Variants in GRIK2 observed in about 807,000 individuals in gnomAD.
GRIK2 encodes the protein glutamate ionotropic receptor kainate type subunit 2.
In GRIK2, 32 loss-of-function variants were observed where a neutral mutation model predicts 100.3. The observed-to-expected ratio is 0.32, with a 90% CI of 0.24 to 0.43. The LOEUF is 0.43. GRIK2 is among the 20% of genes least tolerant of loss of function. GRIK2 has a pLI of 1.00. For missense variants in GRIK2, 843 were observed against 1,114.9 expected, an observed-to-expected ratio of 0.76 and a Z score of 3.47; for synonymous variants, 417 against 389.4, an observed-to-expected ratio of 1.07 and a Z score of -0.83.
chr6:101,889,622 G>A lies in GRIK2; in HGVS notation c.1525-18G>A. ...CTTTCTTTCTTTTTTTTTTTTTTTTGTTTGTTTCTGTCTACAGAAAGCTGA... is the reference window on the plus strand; with the variant it reads ...CTTTCTTTCTTTTTTTTTTTTTTTTATTTGTTTCTGTCTACAGAAAGCTGA... On this transcript the variant is annotated intron_variant, in intron 11 of 16. Transcript: ENST00000369134. The A allele has an allele frequency of 1.8e-6, 1 of 556,224 alleles. No homozygotes were observed. Among genetic ancestry groups the A allele is most frequent in the South Asian group, 3.3e-5 (1 of 30,682 alleles). 34.5% of individuals were successfully genotyped at this position (556,224 alleles called of 1,614,324 possible).
intron 14 of GRIK2, among the ~76,000 whole-genome samples, chr6:102,007,757 G>A (rs1404026261): frequency 6.6e-6 from 1 of 152,020 alleles, no homozygotes; most frequent in East Asian, 1.9e-4. Flanking sequence ...TTAGGAAAGA[G>A]GTTTAATTCA....
chr6:101,758,763 TAA>T (rs1777297296), intron 7 of GRIK2, among the ~76,000 whole-genome samples: 1 of 152,214 alleles, frequency 6.6e-6, no homozygotes. Flanking sequence ...TATTACGTGA[TAA>T]ACTGGGGGAA....
intron 16 of GRIK2, among the ~76,000 whole-genome samples, chr6:102,061,995 A>G (rs531230343): frequency 1.2e-4 from 18 of 149,164 alleles, no homozygotes; most frequent in African/African-American, 4.4e-4. Flanking sequence ...TTTCACAGCT[A>G]TATTGATTAA....
At chr6:101,972,055 G>T (rs1793086064) in intron 14 of GRIK2, among the ~76,000 whole-genome samples, 2 of 151,918 alleles carry the variant, frequency 1.3e-5, no homozygotes, top group South Asian at 4.1e-4. Context: ...TGTGATGAAT[G>T]TATGAATGCA....
intron 7 of GRIK2, among the ~76,000 whole-genome samples, chr6:101,714,878 CTA>C (rs1194158639): frequency 6.6e-6 from 1 of 151,616 alleles, no homozygotes; most frequent in Non-Finnish European, 1.5e-5. Context: ...ATTGAATACA[CTA>C]AAAATCTGAA....
At chr6:102,041,909 T>G (rs1187516480) in intron 15 of GRIK2, among the ~76,000 whole-genome samples, 1 of 151,624 alleles carries the variant, frequency 6.6e-6, no homozygotes, top group Non-Finnish European at 1.5e-5. Flanking sequence ...TTTAGGGATA[T>G]TAAATATATA....
intron 2 of GRIK2, among the ~76,000 whole-genome samples, chr6:101,538,168 G>C (rs1210608640): frequency 6.6e-6 from 1 of 151,702 alleles, no homozygotes; most frequent in Non-Finnish European, 1.5e-5. Flanking sequence ...TGCAGGACTA[G>C]AACTGTCTCA....
Position 101,908,526 on chromosome 6 carries a change from A to C in GRIK2, c.1749-16075A>C, listed in dbSNP as rs568486783. 9.2e-5 allele frequency among the ~76,000 whole-genome samples: 14 copies of C among 151,440 alleles called. No individual in the cohort carries two copies. In the East Asian group the frequency reaches 2.7e-3, roughly 29 times the overall value. On this transcript the variant is annotated intron_variant, in intron 12 of 16. Coordinates refer to ENST00000369134, the MANE Select transcript of GRIK2 (RefSeq NM_021956.5). ...TAAATATATTTACCTATAATGCTAT[A>C]TTTATATAAAAATTTTAGGACCTAT...
At chr6:101,679,342 C>T (rs1771073864) in intron 5 of GRIK2, among the ~76,000 whole-genome samples, 1 of 152,118 alleles carries the variant, frequency 6.6e-6, no homozygotes, top group Non-Finnish European at 1.5e-5. Context: ...GCCTAGATAA[C>T]TGCATGTGTT....
At chr6:101,478,618 A>G (rs1210046850) in intron 2 of GRIK2, among the ~76,000 whole-genome samples, 1 of 148,670 alleles carries the variant, frequency 6.7e-6, no homozygotes, top group African/African-American at 2.5e-5. Flanking sequence ...GGTTCATGCC[A>G]TTCTCCTGAC....
chr6:101,402,615 C>A (rs1257166689), intron 2 of GRIK2, among the ~76,000 whole-genome samples: 1 of 152,226 alleles, frequency 6.6e-6, no homozygotes, highest in East Asian at 1.9e-4. Flanking sequence ...GTTGTCACCC[C>A]GCCTTTGATC....
intron 14 of GRIK2, among the ~76,000 whole-genome samples, chr6:102,003,916 A>G (rs1249684715): frequency 6.6e-6 from 1 of 151,746 alleles, no homozygotes; most frequent in Non-Finnish European, 1.5e-5. Flanking sequence ...GATTTATAAT[A>G]TAATCATATT....
intron 2 of GRIK2, among the ~76,000 whole-genome samples, chr6:101,580,928 A>G (rs1778050297): frequency 6.6e-6 from 1 of 151,482 alleles, no homozygotes; most frequent in Non-Finnish European, 1.5e-5. Context: ...TTACTGCCCA[A>G]CTCCTAGCAC....
intron 2 of GRIK2, among the ~76,000 whole-genome samples, chr6:101,406,575 CTG>C (rs1180738135): frequency 6.6e-6 from 1 of 152,004 alleles, no homozygotes; most frequent in East Asian, 1.9e-4. Context: ...AGTCTCAAGA[CTG>C]TAGAGTTAGG....
intron 2 of GRIK2, among the ~76,000 whole-genome samples, chr6:101,572,566 T>C (rs1478720180): frequency 2.0e-5 from 3 of 151,996 alleles, no homozygotes. Flanking sequence ...GTTAGTTGTT[T>C]TGATTTCTTG....
At chr6:101,519,904 C>T (rs1158367211) in intron 2 of GRIK2, among the ~76,000 whole-genome samples, 1 of 151,986 alleles carries the variant, frequency 6.6e-6, no homozygotes, top group Non-Finnish European at 1.5e-5. Flanking sequence ...GATGACTTGC[C>T]TATTTGTTTT....
At chr6:101,409,611 C>G (rs1299404408) in intron 2 of GRIK2, among the ~76,000 whole-genome samples, 1 of 151,972 alleles carries the variant, frequency 6.6e-6, no homozygotes, top group African/African-American at 2.4e-5. Context: ...GAATTTTACT[C>G]TTGATTTTGT....
At chr6:101,926,272 A>G (rs1789893911) in intron 13 of GRIK2, among the ~76,000 whole-genome samples, 1 of 150,412 alleles carries the variant, frequency 6.6e-6, no homozygotes, top group South Asian at 2.1e-4. Context: ...TTTCAAAATA[A>G]CAGAAGTGAA....
At chr6:101,436,937 A>G (rs1769751386) in intron 2 of GRIK2, among the ~76,000 whole-genome samples, 1 of 151,384 alleles carries the variant, frequency 6.6e-6, no homozygotes, top group Admixed American at 6.6e-5. Flanking sequence ...GGCTCAAATC[A>G]TCATATTTAA....
Sources: gnomAD v4.1 joint callset for allele counts (sites outside exome capture counted in the v4.1 genomes callset) on GRCh38, gnomAD v4.1.1 for gene constraint, MANE v1.5 for transcripts, NCBI Gene and HGNC (gene_info 2026-07-23, HGNC 2026-07-21) for gene names.